Variants in E2F5 observed in about 807,000 individuals in gnomAD.
The protein encoded by E2F5 is E2F transcription factor 5, also known as transcription factor E2F5.
A neutral mutation model predicts 39.1 loss-of-function variants in E2F5; 23 were observed. The ratio of observed to expected loss-of-function variants is 0.59; its 90% CI spans 0.42 to 0.83. E2F5 has a LOEUF of 0.83. Ranked by LOEUF, E2F5 falls within the 40% of genes least tolerant of loss-of-function variation. E2F5 has a pLI of 0.00. For missense variants in E2F5, 365 were observed against 406.7 expected, an observed-to-expected ratio of 0.90 and a Z score of 0.88; for synonymous variants, 145 against 157.8, an observed-to-expected ratio of 0.92 and a Z score of 0.61.
chr8:85,200,465 C>A, intron 1 of E2F5: 1 of 301,610 alleles, frequency 3.3e-6, no homozygotes, highest in Non-Finnish European at 4.9e-6. Flanking sequence ...AAACTTTGAG[C>A]TAAAAATTAA....
chr8:85,206,041 CTTTTT>C (rs1218410485), intron 3 of E2F5, 131 bp from the exon 4 acceptor site: 22 of 763,252 alleles, frequency 2.9e-5, no homozygotes, highest in Admixed American at 2.8e-5. Context: ...GACTAGACTT[CTTTTT>C]TTGTCTGTCC....
rs549176867 is a variant in E2F5 at position 85,191,463 on chromosome 8, A to G, written c.235-10684A>G. 2.0e-5 allele frequency among the ~76,000 whole-genome samples: 3 copies of G among 152,370 alleles called. No individual in the cohort carries two copies. In the South Asian group the frequency reaches 6.2e-4, roughly 32 times the overall value. On this transcript the variant is annotated intron_variant, in intron 1 of 7. Coordinates refer to ENST00000416274, the MANE Select transcript of E2F5 (RefSeq NM_001951.4). ...ACACAAAAAAAATGATCAGTATGTG[A>G]GATAAAGCATGTTAACTGGCTTGAT... is the stretch of plus-strand genomic sequence containing the variant.
chr8:85,206,261 C>T, intron 4 of E2F5, 41 bp downstream of exon 4: 2 of 1,577,082 alleles, frequency 1.3e-6, no homozygotes, highest in Non-Finnish European at 1.7e-6. Flanking sequence ...TTCCTCTCAA[C>T]CTATTTAGTG....
intron 1 of E2F5, among the ~76,000 whole-genome samples, chr8:85,197,829 C>T (rs1418210457): frequency 1.3e-5 from 2 of 152,154 alleles, no homozygotes; most frequent in Admixed American, 6.5e-5. Flanking sequence ...TCCACCTACC[C>T]CTTGTCTGTA....
intron 1 of E2F5, among the ~76,000 whole-genome samples, chr8:85,186,645 G>A (rs1457305502): frequency 6.9e-6 from 1 of 145,542 alleles, no homozygotes; most frequent in Admixed American, 6.9e-5. Context: ...TATATGTAAG[G>A]TATATATGGT....
intron 1 of E2F5, among the ~76,000 whole-genome samples, chr8:85,198,649 T>C (rs776264199): frequency 3.0e-4 from 45 of 152,190 alleles, no homozygotes; most frequent in Non-Finnish European, 2.1e-4. Flanking sequence ...CCCCACACTT[T>C]CTGATTTTCT....
chr8:85,186,471 G>A (rs1445050157), intron 1 of E2F5, among the ~76,000 whole-genome samples: 2 of 151,264 alleles, frequency 1.3e-5, no homozygotes, highest in East Asian at 1.9e-4. Context: ...AAAACTGCAC[G>A]TTCTGCACAT....
intron 1 of E2F5, among the ~76,000 whole-genome samples, chr8:85,200,595 T>G (rs1183555251): frequency 1.3e-5 from 2 of 152,142 alleles, no homozygotes; most frequent in African/African-American, 4.8e-5. Flanking sequence ...TCTGTGTGAG[T>G]ACATAGATAC....
At chr8:85,180,879 G>T (rs1030390362) in intron 1 of E2F5, among the ~76,000 whole-genome samples, 8 of 147,858 alleles carry the variant, frequency 5.4e-5, no homozygotes, top group African/African-American at 2.0e-4. Flanking sequence ...GCGCCCGGCC[G>T]GTCTTGTTTG....
chr8:85,196,007 A>AT (rs1346175030), intron 1 of E2F5, among the ~76,000 whole-genome samples: 1 of 152,134 alleles, frequency 6.6e-6, no homozygotes. Flanking sequence ...GTTTATTAAA[A>AT]ATTTTTTTTT....
intron 1 of E2F5, 182 bp from the exon 2 acceptor site, chr8:85,201,965 A>G: frequency 3.4e-6 from 2 of 585,602 alleles, no homozygotes; most frequent in Non-Finnish European, 5.9e-6. Context: ...TTTAAATGGA[A>G]TAATTTCTTT....
chr8:85,182,026 A>G (rs1444018568), intron 1 of E2F5, among the ~76,000 whole-genome samples: 1 of 152,170 alleles, frequency 6.6e-6, no homozygotes, highest in Non-Finnish European at 1.5e-5. Flanking sequence ...GTATAACTTA[A>G]CAATTAGGAA....
chr8:85,188,081 T>C (rs558700543), intron 1 of E2F5, among the ~76,000 whole-genome samples: 1 of 152,312 alleles, frequency 6.6e-6, no homozygotes, highest in East Asian at 1.9e-4. Context: ...TCCAGTCCCC[T>C]CCTCACATTT....
At chr8:85,206,898 T>C (rs1459931291) in intron 4 of E2F5, among the ~76,000 whole-genome samples, 1 of 152,220 alleles carries the variant, frequency 6.6e-6, no homozygotes, top group African/African-American at 2.4e-5. Context: ...TGTAAGACTA[T>C]GTTGGAAATA....
intron 1 of E2F5, among the ~76,000 whole-genome samples, chr8:85,181,472 A>G (rs1168603085): frequency 6.7e-6 from 1 of 148,466 alleles, no homozygotes; most frequent in Non-Finnish European, 1.5e-5. Context: ...CTGGGACTAC[A>G]GGCGCCCGCC....
chr8:85,212,481 C>T lies in E2F5; in HGVS notation c.931+277C>T, dbSNP rs1812954939. On this transcript the variant is annotated intron_variant, in intron 7 of 7. Coordinates refer to ENST00000416274, the MANE Select transcript of E2F5 (RefSeq NM_001951.4). ...CCTTTCCACTCCTGAAGGATCTGGTCCAAGAAGAGTAAAATAACTTGTCTA... is the reference window on the plus strand; with the variant it reads ...CCTTTCCACTCCTGAAGGATCTGGTTCAAGAAGAGTAAAATAACTTGTCTA... The T allele has an allele frequency of 1.3e-5, 4 of 309,818 alleles. No homozygotes were observed. The South Asian group carries it at 1.9e-4, about 15-fold the overall frequency. The allele number at this position is 309,818 out of a possible 1,614,324, so 19.2% of individuals were successfully genotyped here. A position where few individuals can be genotyped will look rare whatever the true frequency, so the allele number is the denominator to read the frequency against.
chr8:85,183,400 G>A (rs1321482517), intron 1 of E2F5, among the ~76,000 whole-genome samples: 1 of 152,156 alleles, frequency 6.6e-6, no homozygotes, highest in Admixed American at 6.5e-5. Context: ...TCCACTCCTG[G>A]GTGTATACCC....
chr8:85,210,894 C>T (rs1239095174), intron 6 of E2F5, among the ~76,000 whole-genome samples: 2 of 152,006 alleles, frequency 1.3e-5, no homozygotes, highest in Non-Finnish European at 2.9e-5. Flanking sequence ...TTAGAGCAGG[C>T]CTTGAATTTC....
At chr8:85,180,802 A>G (rs2136038263) in intron 1 of E2F5, among the ~76,000 whole-genome samples, 1 of 151,034 alleles carries the variant, frequency 6.6e-6, no homozygotes. Context: ...GATGGTCTCG[A>G]TCTTCTGACC....
Sources: allele counts gnomAD v4.1 joint callset (sites outside exome capture counted in the v4.1 genomes callset), GRCh38; gene constraint gnomAD v4.1.1; transcripts MANE v1.5; gene names NCBI Gene and HGNC (gene_info 2026-07-23, HGNC 2026-07-21).